AMPD3: variants seen among roughly 807,000 people sequenced by gnomAD.
AMPD3 encodes adenosine monophosphate deaminase 3.
Under a neutral mutation model 82.3 loss-of-function variants are expected in AMPD3, and 57 were observed. The observed-to-expected ratio is 0.69, with a 90% CI of 0.56 to 0.86. The LOEUF is 0.86. Among genes scored for constraint, AMPD3 ranks in the 40% least tolerant of loss-of-function variants. AMPD3 has a pLI of 0.00. For synonymous variants in AMPD3, 381 were observed against 394.7 expected (o/e 0.97, Z 0.41); for missense variants, 870 against 1,003.8 (o/e 0.87, Z 1.80).
upstream of AMPD3, chr11:10,450,935 T>C (rs1847944425): frequency 1.5e-6 from 2 of 1,301,210 alleles, no homozygotes; most frequent in Non-Finnish European, 9.8e-7. Flanking sequence ...TGGCCCCGGC[T>C]GGCCTCAGTG....
In AMPD3 at chr11:10,478,616, G is replaced by A. The variant is rs774028454; in HGVS notation, c.312G>A (p.Pro104=). 6.8e-6 allele frequency: 11 copies of A among 1,614,082 alleles called. No homozygotes were observed. The highest frequency in any genetic ancestry group is 2.7e-5 in the African/African-American group (2 of 74,920). The stretch of plus-strand genomic sequence containing the variant: ...GGAAGGGCCCCCCGGCAGCCAGTCC[G>A]GCCATGTCTCCCACAACCCCTGTGG... ...QDWKGPPAAS[P]AMSPTTPVVT... Residue 104 remains proline, a synonymous_variant, in exon 3 of 15, where the codon CCG becomes CCA. Coordinates refer to ENST00000396553, the MANE Select transcript of AMPD3 (RefSeq NM_001025389.2).
chr11:10,470,460 G>T (rs1848556812), intron 2 of AMPD3, among the ~76,000 whole-genome samples: 1 of 152,152 alleles, frequency 6.6e-6, no homozygotes, highest in Non-Finnish European at 1.5e-5. Context: ...GGAAGTTCTG[G>T]CAGGGGCAAT....
chr11:10,461,668 G>T lies in AMPD3; in HGVS notation c.149G>T (p.Gly50Val). Residue 50 changes from glycine (G) to valine (V), a missense_variant, in exon 2 of 15, where the codon GGG becomes GTG. Transcript: ENST00000396553. ...LFTVPEDCPI[G>V]QKEAKERELQ... Reference sequence around the variant, plus strand: ...ACTGTCCCAGAGGACTGCCCCATCGGGCAAAAGGAAGCCAAGGAGAGGGAG... The same window carrying T: ...ACTGTCCCAGAGGACTGCCCCATCGTGCAAAAGGAAGCCAAGGAGAGGGAG... 1 of 1,614,220 alleles carries T rather than the reference G, an allele frequency of 6.2e-7. No homozygotes were observed. Among genetic ancestry groups the T allele is most frequent in the South Asian group, 1.1e-5 (1 of 91,082 alleles).
intron 6 of AMPD3, chr11:10,488,546 C>A: frequency 2.1e-6 from 1 of 465,162 alleles, no homozygotes; most frequent in Non-Finnish European, 2.8e-6. Context: ...GCATTGGGAG[C>A]GGGGAGCAGC....
intron 2 of AMPD3, among the ~76,000 whole-genome samples, chr11:10,462,577 G>T (rs1196982547): frequency 6.6e-6 from 1 of 152,196 alleles, no homozygotes; most frequent in Non-Finnish European, 1.5e-5. Context: ...GGTTCTCCCA[G>T]TGGCTGCCAT....
intron 10 of AMPD3, chr11:10,497,598 G>A (rs1447168760): frequency 6.2e-5 from 61 of 985,290 alleles, no homozygotes; most frequent in Middle Eastern, 5.2e-4. Flanking sequence ...GCTGGGGCAC[G>A]GGGAAAGAAT....
upstream of AMPD3, among the ~76,000 whole-genome samples, chr11:10,454,458 A>C (rs1848037358): frequency 6.6e-6 from 1 of 152,280 alleles, no homozygotes; most frequent in South Asian, 2.1e-4. Context: ...CAGTTCTAGG[A>C]TGGTCAAATA....
chr11:10,479,729 T>C (rs1848847307), intron 3 of AMPD3: 1 of 195,692 alleles, frequency 5.1e-6, no homozygotes, highest in African/African-American at 2.4e-5. Flanking sequence ...CAATATACAT[T>C]ATACTGCATC....
chr11:10,465,183 G>C (rs1848383664), intron 2 of AMPD3, among the ~76,000 whole-genome samples: 3 of 152,216 alleles, frequency 2.0e-5, no homozygotes, highest in African/African-American at 4.8e-5. Context: ...TTATTAGACA[G>C]TCAACAGTGA....
At position 10,484,999 on chromosome 11, in the gene AMPD3, G is replaced by C. The variant is rs199564481; in HGVS notation, c.769G>C (p.Asp257His). 1.4e-5 allele frequency: 22 copies of C among 1,613,974 alleles called. No individual in the cohort carries two copies. The East Asian group carries it at 4.5e-4, about 33-fold the overall frequency. ...CCCCGACCTGGAGACCTACACGGTG[G>C]ACATGAGCCACATCCTGGCTCTCAT... ...PYPDLETYTV[D>H]MSHILALITD... Residue 257 changes from aspartate (D) to histidine (H), a missense_variant, in exon 5 of 15, where the codon GAC (aspartate) becomes CAC (histidine). Asp to His is a moderately conservative substitution (Grantham distance 81). Coordinates refer to ENST00000396553, the MANE Select transcript of AMPD3 (RefSeq NM_001025389.2).
intron 14 of AMPD3, chr11:10,505,217 ACACCTC>A (rs1324280308): frequency 3.0e-6 from 3 of 985,260 alleles, no homozygotes; most frequent in Non-Finnish European, 3.6e-6. Flanking sequence ...AGGTCCCCCG[ACACCTC>A]CCTGGGTGAT....
chr11:10,474,540 G>C (rs892835981), intron 2 of AMPD3, among the ~76,000 whole-genome samples: 2 of 152,230 alleles, frequency 1.3e-5, no homozygotes, highest in East Asian at 1.9e-4. Flanking sequence ...CTTAGTGACT[G>C]TCAGGGGCAA....
At chr11:10,505,266 T>C (rs1849685539) in intron 14 of AMPD3, 1 of 979,254 alleles carries the variant, frequency 1.0e-6, no homozygotes, top group South Asian at 4.7e-5. Context: ...CATTAGGGGC[T>C]GTGCTCGTCG....
At chr11:10,484,558 C>T in intron 4 of AMPD3, 1 of 943,782 alleles carries the variant, frequency 1.1e-6, no homozygotes, top group Middle Eastern at 5.4e-4. Context: ...CAGCAGTGAA[C>T]AGCACAAATT....
chr11:10,450,707 G>A (rs1564834698), upstream of AMPD3: 3 of 1,083,848 alleles, frequency 2.8e-6, no homozygotes, highest in Admixed American at 5.3e-5. Flanking sequence ...CCCGTTGGCG[G>A]CGCGGCCCGG....
chr11:10,456,149 C>T lies in AMPD3; in HGVS notation c.-6+701C>T. The T allele has an allele frequency of 7.2e-7, 1 of 1,387,500 alleles. No homozygotes were observed. 85.9% of individuals were successfully genotyped at this position (1,387,500 alleles called of 1,614,324 possible). ...TTGGATAACTGGGATTACCTGGGGA[C>T]TTCAGGGCTCTTGGAAATTTTCCAC... On this transcript the variant is annotated intron_variant, in intron 1 of 14. Coordinates refer to ENST00000396553, the MANE Select transcript of AMPD3 (RefSeq NM_001025389.2). This position sits in a 1 kb window ranked among gnomAD's most constrained non-coding sequence, Gnocchi z 4.3.
intron 3 of AMPD3, among the ~76,000 whole-genome samples, chr11:10,481,176 G>A (rs781359144): frequency 6.6e-6 from 1 of 152,186 alleles, no homozygotes; most frequent in Non-Finnish European, 1.5e-5. Flanking sequence ...GGAAAGGTCT[G>A]GCACATAACA....
intron 7 of AMPD3, chr11:10,493,821 C>T (rs1849312887): frequency 1.9e-6 from 1 of 524,954 alleles, no homozygotes; most frequent in Non-Finnish European, 3.4e-6. Flanking sequence ...TCACAGAAGC[C>T]TTTATTTCCT....
upstream of AMPD3, among the ~76,000 whole-genome samples, chr11:10,454,680 A>G (rs1024239207): frequency 2.0e-5 from 3 of 152,340 alleles, no homozygotes; most frequent in Non-Finnish European, 4.4e-5. Context: ...AAGGTGCAGA[A>G]TAAAATTCCC....
Sources: allele counts gnomAD v4.1 joint callset (sites outside exome capture counted in the v4.1 genomes callset), GRCh38; gene constraint gnomAD v4.1.1; non-coding constraint Gnocchi (gnomAD v3.1); transcripts MANE v1.5; gene names NCBI Gene and HGNC (gene_info 2026-07-23, HGNC 2026-07-21).